Variants in TYW1B observed in about 807,000 individuals in gnomAD.
TYW1B encodes tRNA-yW synthesizing protein 1 homolog B.
A neutral mutation model predicts 86.9 loss-of-function variants in TYW1B; 73 were observed. That is an observed-to-expected ratio of 0.84 (90% CI 0.70 to 1.02). TYW1B has a LOEUF of 1.02. Ranked by LOEUF, TYW1B falls within the 50% of genes least tolerant of loss-of-function variation. The pLI is 0.00. For missense variants in TYW1B, 637 were observed against 827.4 expected (o/e 0.77, Z 2.82); for synonymous variants, 248 against 292.8 (o/e 0.85, Z 1.56).
At chr7:72,630,674 A>G (rs1453043606) in intron 11 of TYW1B, among the ~76,000 whole-genome samples, 1 of 152,178 alleles carries the variant, frequency 6.6e-6, no homozygotes, top group Admixed American at 6.6e-5. Flanking sequence ...CCACACCAGA[A>G]ATTAATGTTT....
intron 13 of TYW1B, among the ~76,000 whole-genome samples, chr7:72,587,965 C>G (rs1304175413): frequency 6.6e-6 from 1 of 152,162 alleles, no homozygotes; most frequent in Non-Finnish European, 1.5e-5. Context: ...ACAGTGGTAT[C>G]TTTTGAACTT....
chr7:72,589,359 G>A (rs782592942), intron 13 of TYW1B, among the ~76,000 whole-genome samples: 3 of 152,192 alleles, frequency 2.0e-5, no homozygotes, highest in Admixed American at 6.5e-5. Flanking sequence ...TTGTGGGAAG[G>A]CAATAGAGGA....
Position 72,686,592 on chromosome 7 carries a change from G to A in TYW1B, c.1506+8095C>T, listed in dbSNP as rs537229021. On this transcript the variant is annotated intron_variant, in intron 11 of 13. Transcript: ENST00000620995. ...AGGCAGAGTACAGGAGATTCTTAGGGCAGTGAAACTACCCCATATGACACT... is the reference window on the plus strand; with the variant it reads ...AGGCAGAGTACAGGAGATTCTTAGGACAGTGAAACTACCCCATATGACACT... 5.9e-5 allele frequency among the ~76,000 whole-genome samples: 9 copies of A among 152,236 alleles called. No homozygotes were observed. In the East Asian group the frequency reaches 1.7e-3, roughly 29 times the overall value.
intron 9 of TYW1B, among the ~76,000 whole-genome samples, chr7:72,725,700 GC>G (rs1786985993): frequency 6.6e-6 from 1 of 152,108 alleles, no homozygotes; most frequent in Admixed American, 6.6e-5. Context: ...CCTGTTCCAA[GC>G]AAGAAGGAAT....
At chr7:72,587,871 CT>C (rs1351187817) in intron 13 of TYW1B, among the ~76,000 whole-genome samples, 1 of 152,140 alleles carries the variant, frequency 6.6e-6, no homozygotes, top group Non-Finnish European at 1.5e-5. Context: ...AGAAGGACAG[CT>C]TGGGGGTTAG....
chr7:72,750,667 G>A (rs1787484453), intron 7 of TYW1B, among the ~76,000 whole-genome samples: 1 of 152,076 alleles, frequency 6.6e-6, no homozygotes, highest in Non-Finnish European at 1.5e-5. Flanking sequence ...CACCACTCAT[G>A]AAATTTCACT....
At chr7:72,781,675 G>A (rs1353687831) in intron 6 of TYW1B, among the ~76,000 whole-genome samples, 3 of 152,086 alleles carry the variant, frequency 2.0e-5, no homozygotes, top group East Asian at 3.9e-4. Context: ...TCTTGTCCAC[G>A]GTCTTGCTTT....
At chr7:72,675,293 G>A (rs1261134531) in intron 11 of TYW1B, among the ~76,000 whole-genome samples, 1 of 152,000 alleles carries the variant, frequency 6.6e-6, no homozygotes, top group Non-Finnish European at 1.5e-5. Context: ...CAGCTACTCA[G>A]GAGGCTGAGG....
chr7:72,625,880 G>GT (rs34417867), intron 12 of TYW1B, among the ~76,000 whole-genome samples: 1 of 107,332 alleles, frequency 9.3e-6, no homozygotes, highest in East Asian at 2.7e-4. Flanking sequence ...TAAGAAAGGA[G>GT]GGGGGAGAGG....
intron 13 of TYW1B, among the ~76,000 whole-genome samples, chr7:72,598,365 G>A (rs1334943850): frequency 6.6e-6 from 1 of 151,978 alleles, no homozygotes; most frequent in Non-Finnish European, 1.5e-5. Context: ...GATCGTGTAA[G>A]TTAGTACTTA....
chr7:72,679,115 T>C (rs1585897320), intron 11 of TYW1B, among the ~76,000 whole-genome samples: 1 of 151,898 alleles, frequency 6.6e-6, no homozygotes, highest in Non-Finnish European at 1.5e-5. Flanking sequence ...ACAAATAAAA[T>C]AGAATCAACA....
At chr7:72,629,202 G>A (rs1440632494) in intron 11 of TYW1B, among the ~76,000 whole-genome samples, 1 of 152,210 alleles carries the variant, frequency 6.6e-6, no homozygotes, top group Non-Finnish European at 1.5e-5. Context: ...AGGCACATGA[G>A]ATACTGACAT....
intron 12 of TYW1B, among the ~76,000 whole-genome samples, chr7:72,624,225 C>T (rs1812288852): frequency 6.6e-6 from 1 of 152,196 alleles, no homozygotes; most frequent in Non-Finnish European, 1.5e-5. Context: ...AGCATGCCTT[C>T]TCCATTTACT....
At chr7:72,680,895 C>G (rs1554448377) in intron 11 of TYW1B, among the ~76,000 whole-genome samples, 1 of 152,108 alleles carries the variant, frequency 6.6e-6, no homozygotes, top group Non-Finnish European at 1.5e-5. Context: ...TACAGTGGTA[C>G]TTACTATCTT....
intron 11 of TYW1B, among the ~76,000 whole-genome samples, chr7:72,646,121 A>G (rs1554442048): frequency 6.6e-6 from 1 of 151,438 alleles, no homozygotes; most frequent in African/African-American, 2.4e-5. Flanking sequence ...ATCATAGCTC[A>G]CTGTACCTGG....
At chr7:72,622,860 C>A (rs572821330) in intron 12 of TYW1B, among the ~76,000 whole-genome samples, 4 of 152,220 alleles carry the variant, frequency 2.6e-5, no homozygotes, top group Admixed American at 6.5e-5. Context: ...CACGCACTCA[C>A]ACATGTCAGG....
intron 8 of TYW1B, among the ~76,000 whole-genome samples, chr7:72,738,086 TTC>T (rs1426707350): frequency 5.6e-5 from 3 of 53,808 alleles, no homozygotes; most frequent in African/African-American, 1.2e-4. Flanking sequence ...ATTTCTTTCT[TTC>T]TTTTTTTTTT....
Position 72,826,887 on chromosome 7 carries a change from A to T in TYW1B, c.103T>A (p.Trp35Arg). Residue 35 changes from tryptophan (W) to arginine (R), a missense_variant, in exon 2 of 14, where the codon TGG becomes AGG. By Grantham distance (101) the Trp-to-Arg change is moderately radical. Coordinates refer to ENST00000620995, the MANE Select transcript of TYW1B (RefSeq NM_001145440.3). The stretch of plus-strand genomic sequence containing the variant: ...TCGATGACAATCTGGACACAAATCC[A>T]AAGGCTAATGCTAACAGCAAAGCCC... ...YLGFAVSISL[W>R]ICVQIVIEMQ... The T allele has an allele frequency of 6.2e-7, 1 of 1,613,484 alleles. No homozygotes were observed.
intron 7 of TYW1B, among the ~76,000 whole-genome samples, chr7:72,757,906 C>T (rs1005586305): frequency 6.6e-6 from 1 of 152,150 alleles, no homozygotes; most frequent in African/African-American, 2.4e-5. Flanking sequence ...CAAAACAATT[C>T]TGTAACACTC....
Sources: gnomAD v4.1 joint callset for allele counts (sites outside exome capture counted in the v4.1 genomes callset) on GRCh38, gnomAD v4.1.1 for gene constraint, MANE v1.5 for transcripts, NCBI Gene and HGNC (gene_info 2026-07-23, HGNC 2026-07-21) for gene names.